EPAS1: variants seen among roughly 807,000 people sequenced by gnomAD.
EPAS1 encodes the protein endothelial PAS domain protein 1.
Under a neutral mutation model 87.9 loss-of-function variants are expected in EPAS1, and 23 were observed. That is an observed-to-expected ratio of 0.26 (90% CI 0.19 to 0.37). EPAS1 has a LOEUF of 0.37. Among genes scored for constraint, EPAS1 ranks in the 10% least tolerant of loss-of-function variants. The pLI is 1.00. For missense variants in EPAS1, 1,138 were observed against 1,120.7 expected (o/e 1.02, Z -0.22); for synonymous variants, 508 against 444.3 (o/e 1.14, Z -1.80).
At chr2:46,326,631 CAT>C (rs1031438934) in intron 1 of EPAS1, among the ~76,000 whole-genome samples, 3 of 152,122 alleles carry the variant, frequency 2.0e-5, no homozygotes, top group Non-Finnish European at 4.4e-5. Flanking sequence ...TTCATTTGTA[CAT>C]ATTTGGAGTT....
At chr2:46,384,307 G>T (rs1203415949) in intron 15 of EPAS1, among the ~76,000 whole-genome samples, 2 of 152,132 alleles carry the variant, frequency 1.3e-5, no homozygotes, top group Non-Finnish European at 2.9e-5. Context: ...CCTCTTTCTT[G>T]GGTCTCAGCA....
intron 1 of EPAS1, among the ~76,000 whole-genome samples, chr2:46,343,782 A>G (rs577395834): frequency 1.3e-5 from 2 of 152,374 alleles, no homozygotes; most frequent in South Asian, 4.1e-4. Flanking sequence ...CCTACAGTTA[A>G]GCAGTGAAAA....
At chr2:46,312,007 A>T (rs1683219370) in intron 1 of EPAS1, among the ~76,000 whole-genome samples, 1 of 152,202 alleles carries the variant, frequency 6.6e-6, no homozygotes, top group South Asian at 2.1e-4. Context: ...ATCTCCTTGT[A>T]TGGCTCCAAA....
chr2:46,330,097 A>G (rs1683645696), intron 1 of EPAS1, among the ~76,000 whole-genome samples: 1 of 152,196 alleles, frequency 6.6e-6, no homozygotes, highest in Non-Finnish European at 1.5e-5. Flanking sequence ...CAGAATCATC[A>G]GTAATACTTT....
chr2:46,370,825 C>T (rs1159255510), intron 7 of EPAS1, among the ~76,000 whole-genome samples: 3 of 152,298 alleles, frequency 2.0e-5, no homozygotes, highest in Non-Finnish European at 4.4e-5. Flanking sequence ...AGGACCGTTC[C>T]CTTGAATCCA....
At chr2:46,376,391 A>T in intron 8 of EPAS1, 148 bp from the exon 9 acceptor site, 1 of 774,696 alleles carries the variant, frequency 1.3e-6, no homozygotes, top group Non-Finnish European at 2.3e-6. Flanking sequence ...ACACACTTCT[A>T]TTGTATGGTT....
Position 46,319,744 on chromosome 2 carries a change from A to T in EPAS1, c.26+21807A>T, listed in dbSNP as rs144836852. 9.2e-3 allele frequency among the ~76,000 whole-genome samples: 1,400 copies of T among 152,204 alleles called. 9 individuals are homozygous for T. Among genetic ancestry groups the T allele is most frequent in the Non-Finnish European group, 0.014 (930 of 67,994 alleles). ...GCTTATTTTCTTTGATTCATTTTTA[A>T]ATTGAGTTGAATGTTTGATTTAATC... On this transcript the variant is annotated intron_variant, in intron 1 of 15. Coordinates refer to ENST00000263734, the MANE Select transcript of EPAS1 (RefSeq NM_001430.5).
rs1682909236 is a variant in EPAS1, at chr2:46,297,750, G to C, written c.-162G>C. On this transcript the variant is annotated 5_prime_UTR_variant, in exon 1 of 16. Transcript: ENST00000263734. ...CCCGCCCCCGCACCTAGCCCGCCGC[G>C]CGCCACCTTCCACCTGACTGCGCGG... is the stretch of plus-strand genomic sequence containing the variant. The C allele has an allele frequency of 6.9e-6, 6 of 869,928 alleles. No homozygotes were observed. Among genetic ancestry groups the C allele is most frequent in the South Asian group, 1.7e-5 (1 of 60,262 alleles). 53.9% of individuals were successfully genotyped at this position (869,928 alleles called of 1,614,324 possible). A position where few individuals can be genotyped will look rare whatever the true frequency, so the allele number is the denominator to read the frequency against.
chr2:46,313,310 G>A (rs145992946), intron 1 of EPAS1, among the ~76,000 whole-genome samples: 3,338 of 152,124 alleles, frequency 0.022, 59 homozygotes, highest in Non-Finnish European at 0.031. Flanking sequence ...CATGAGGCTG[G>A]CCAGTTAACT....
Position 46,371,881 on chromosome 2 carries a change from G to A in EPAS1, c.886+1948G>A. On this transcript the variant is annotated intron_variant, in intron 7 of 15. Coordinates refer to ENST00000263734, the MANE Select transcript of EPAS1 (RefSeq NM_001430.5). This position sits in a 1 kb window ranked among gnomAD's most constrained non-coding sequence, Gnocchi z 4.3. ...GTAAAAATTTCTGGGAATTCTTGGA[G>A]GACAGTATTACCTTTTATCTTGTAG... Among the ~76,000 whole-genome samples the A allele has an allele frequency of 6.6e-6, 1 of 152,160 alleles. No individual in the cohort carries two copies. Among genetic ancestry groups the A allele is most frequent in the Non-Finnish European group, 1.5e-5 (1 of 68,036 alleles).
chr2:46,308,283 T>G (rs1425033830), intron 1 of EPAS1, among the ~76,000 whole-genome samples: 2 of 152,154 alleles, frequency 1.3e-5, no homozygotes, highest in African/African-American at 4.8e-5. Context: ...ATTTCCACAG[T>G]GGCACTCCCA....
At position 46,369,914 on chromosome 2, in the gene EPAS1, G is replaced by C. The variant is rs776645971; in HGVS notation, c.867G>C (p.Met289Ile). ...ACCATGCGCTAGACTCCGAGAACAT[G>C]ACCAAGAGTCACCAGAACTGTGAGT... is the stretch of plus-strand genomic sequence containing the variant. Reference protein sequence around the residue: ...EFYHALDSENMTKSHQNLCTK... With the variant: ...EFYHALDSENITKSHQNLCTK... Residue 289 changes from methionine (M) to isoleucine (I), a missense_variant, in exon 7 of 16, where the codon ATG becomes ATC. This residue lies in a region of EPAS1 where 351 missense variants were observed against 417.1 expected (regional missense o/e 0.84). Coordinates refer to ENST00000263734, the MANE Select transcript of EPAS1 (RefSeq NM_001430.5). 6.2e-7 allele frequency: 1 copy of C among 1,611,278 alleles called. No homozygotes were observed. Among genetic ancestry groups the C allele is most frequent in the Non-Finnish European group, 8.5e-7 (1 of 1,178,646 alleles).
chr2:46,350,168 T>C (rs1467532856), intron 2 of EPAS1, among the ~76,000 whole-genome samples: 4 of 152,180 alleles, frequency 2.6e-5, no homozygotes, highest in Non-Finnish European at 5.9e-5. Context: ...CAGTGTAAAT[T>C]CTTACTATCC....
At chr2:46,357,906 A>G (rs529854406) in intron 4 of EPAS1, among the ~76,000 whole-genome samples, 1 of 152,350 alleles carries the variant, frequency 6.6e-6, no homozygotes, top group South Asian at 2.1e-4. Context: ...GAATAGGGAC[A>G]TTGTTAAGAG....
rs115842412 is a variant in EPAS1 at position 46,382,489 on chromosome 2, G to C, written c.2352G>C (p.Gln784His). Residue 784 changes from glutamine (Q) to histidine (H), a missense_variant, in exon 15 of 16, where the codon CAG (glutamine) becomes CAC (histidine). This residue lies in a region of EPAS1 where 502 missense variants were observed against 427.1 expected (regional missense o/e 1.18). Coordinates refer to ENST00000263734, the MANE Select transcript of EPAS1 (RefSeq NM_001430.5). ...GHPLRHLPLP[Q>H]PPSAISPGEN... ...CCCTGAGACATCTGCCGCTGCCACA[G>C]CCTCCATCTGCCATCAGTCCCGGGG... 1 of 1,614,160 alleles carries C rather than the reference G, an allele frequency of 6.2e-7. No homozygotes were observed. Among genetic ancestry groups the C allele is most frequent in the Non-Finnish European group, 8.5e-7 (1 of 1,180,028 alleles).
Position 46,382,073 on chromosome 2 carries a change from C to G in EPAS1, c.2271C>G (p.Ser757Arg), listed in dbSNP as rs778539528. The G allele has an allele frequency of 1.9e-6, 3 of 1,613,938 alleles. No homozygotes were observed. Among genetic ancestry groups the G allele is most frequent in the Non-Finnish European group, 2.5e-6 (3 of 1,179,988 alleles). Residue 757 changes from serine (S) to arginine (R), a missense_variant, in exon 14 of 16, where the codon AGC becomes AGG. By Grantham distance (110) the Ser-to-Arg change is moderately radical (BLOSUM62 -1). Coordinates refer to ENST00000263734, the MANE Select transcript of EPAS1 (RefSeq NM_001430.5). Reference sequence around the variant, plus strand: ...CTTTGATGCCGGACAAGCCACTGAGCGCAAATGTACCCAATGGTGAGCAGC... The same window carrying G: ...CTTTGATGCCGGACAAGCCACTGAGGGCAAATGTACCCAATGGTGAGCAGC... ...SCPLMPDKPL[S>R]ANVPNDKFTQ...
intron 6 of EPAS1, among the ~76,000 whole-genome samples, chr2:46,369,358 A>T (rs1216281042): frequency 2.6e-5 from 4 of 152,172 alleles, no homozygotes; most frequent in African/African-American, 9.7e-5. Flanking sequence ...TGTTTCATTT[A>T]TACTGCCTTC....
At chr2:46,368,148 G>A (rs1684542453) in intron 6 of EPAS1, among the ~76,000 whole-genome samples, 1 of 152,188 alleles carries the variant, frequency 6.6e-6, no homozygotes, top group Non-Finnish European at 1.5e-5. Flanking sequence ...TGACAGCCTA[G>A]GATGTGAGGA....
chr2:46,307,763 C>A (rs112957012), intron 1 of EPAS1, among the ~76,000 whole-genome samples: 7 of 152,196 alleles, frequency 4.6e-5, no homozygotes, highest in Admixed American at 6.5e-5. Flanking sequence ...CTGCTGAGAT[C>A]GCTTTCCTGG....
Sources: allele counts gnomAD v4.1 joint callset (sites outside exome capture counted in the v4.1 genomes callset), GRCh38; gene constraint gnomAD v4.1.1; regional missense constraint gnomAD v4.1.1; non-coding constraint Gnocchi (gnomAD v3.1); transcripts MANE v1.5; gene names NCBI Gene and HGNC (gene_info 2026-07-23, HGNC 2026-07-21).